Variants in HYDIN observed in about 807,000 individuals in gnomAD.
HYDIN encodes HYDIN axonemal central pair apparatus protein.
Under a neutral mutation model 403.9 loss-of-function variants are expected in HYDIN, and 132 were observed. The observed-to-expected ratio is 0.33, with a 90% CI of 0.28 to 0.38. The LOEUF is 0.38. Ranked by LOEUF, HYDIN falls within the 10% of genes least tolerant of loss-of-function variation. The pLI is 1.00. For synonymous variants in HYDIN, 1,202 were observed against 1,891.7 expected, an observed-to-expected ratio of 0.64 and a Z score of 9.46; for missense variants, 2,827 against 5,009.5, an observed-to-expected ratio of 0.56 and a Z score of 13.15.
chr16:71,047,483 A>T (rs1294877869), intron 18 of HYDIN, among the ~76,000 whole-genome samples: 2 of 152,102 alleles, frequency 1.3e-5, no homozygotes, highest in African/African-American at 4.8e-5. Context: ...GTTAAGCACA[A>T]ACCTTTGCTT....
At chr16:70,848,533 C>G (rs2038380311) in intron 75 of HYDIN, among the ~76,000 whole-genome samples, 2 of 137,170 alleles carry the variant, frequency 1.5e-5, no homozygotes, top group South Asian at 5.0e-4. Context: ...TCAGTAAAGT[C>G]TATATTCTTA....
chr16:71,170,948 G>A (rs1286534944), intron 5 of HYDIN, among the ~76,000 whole-genome samples: 2 of 152,146 alleles, frequency 1.3e-5, no homozygotes, highest in Non-Finnish European at 1.5e-5. Context: ...AAGACACTCT[G>A]CTGTTCTTTC....
intron 18 of HYDIN, among the ~76,000 whole-genome samples, chr16:71,034,103 C>A (rs571874600): frequency 1.3e-5 from 2 of 151,616 alleles, no homozygotes; most frequent in Admixed American, 6.6e-5. Context: ...GAGTTTGGTA[C>A]CGCAGAAGAA....
Position 70,808,000 on chromosome 16 carries a change from G to C in HYDIN, c.14946C>G (p.Gly4982=). ...ATAAGACTTCCACACTGGCTTCAGTGCCTCCCTGGCCTCCTGGGGCTGCAT... is the reference window on the plus strand; with the variant it reads ...ATAAGACTTCCACACTGGCTTCAGTCCCTCCCTGGCCTCCTGGGGCTGCAT... The part of the protein sequence containing the change: ...LINAAPGGQG[G]TEASVEVLFE... Residue 4982 remains glycine (G), a synonymous_variant, in exon 86 of 86, where the codon GGC becomes GGG. Transcript: ENST00000393567. 1.9e-6 allele frequency: 3 copies of C among 1,614,032 alleles called. No individual in the cohort carries two copies. Among genetic ancestry groups the C allele is most frequent in the Non-Finnish European group, 2.5e-6 (3 of 1,179,976 alleles).
At chr16:71,189,770 A>AT in intron 1 of HYDIN, among the ~76,000 whole-genome samples, 1 of 151,676 alleles carries the variant, frequency 6.6e-6, no homozygotes, top group African/African-American at 2.4e-5. Flanking sequence ...CTGCCTCAAA[A>AT]AAAAAAAAAA....
At chr16:71,207,149 G>T (rs781690731) in intron 1 of HYDIN, among the ~76,000 whole-genome samples, 30 of 151,988 alleles carry the variant, frequency 2.0e-4, no homozygotes, top group Non-Finnish European at 3.8e-4. Flanking sequence ...TTGAAATGAA[G>T]GAAAAAATGT....
chr16:71,059,742 G>A lies in HYDIN; in HGVS notation c.2529+762C>T, dbSNP rs966435102. Among the ~76,000 whole-genome samples, 18 of 152,162 alleles carry A rather than the reference G, an allele frequency of 1.2e-4. No individual in the cohort carries two copies. In the East Asian group the frequency reaches 1.9e-3, roughly 16 times the overall value. ...CAAACCTGTGACATACAATTTACCCGTGTAACAAACCTGCACATGTACCTC... is the reference window on the plus strand; with the variant it reads ...CAAACCTGTGACATACAATTTACCCATGTAACAAACCTGCACATGTACCTC... On this transcript the variant is annotated intron_variant, in intron 18 of 85. Transcript: ENST00000393567.
rs963829046 is a variant in HYDIN, at chr16:70,802,455, A to G, written c.*5125T>C. On this transcript the variant is annotated 3_prime_UTR_variant, in exon 86 of 86. Coordinates refer to ENST00000393567, the MANE Select transcript of HYDIN (RefSeq NM_001270974.2). ...CAAGTGAGTACTTAAAAGAGATTAG[A>G]AGAAATTTGAACTGGAAGAGAGACT... is the stretch of plus-strand genomic sequence containing the variant. 1.3e-5 allele frequency: 2 copies of G among 152,240 alleles called. No individual in the cohort carries two copies. Among genetic ancestry groups the G allele is most frequent in the Non-Finnish European group, 2.9e-5 (2 of 68,044 alleles). The allele number at this position is 152,240 out of a possible 1,614,324, so 9.4% of individuals were successfully genotyped here. A position where few individuals can be genotyped will look rare whatever the true frequency, so the allele number is the denominator to read the frequency against.
Position 70,807,648 on chromosome 16 carries a change from A to G in HYDIN, c.15298T>C (p.Cys5100Arg). The G allele has an allele frequency of 6.2e-7, 1 of 1,614,178 alleles. No individual in the cohort carries two copies. Among genetic ancestry groups the G allele is most frequent in the Admixed American group, 1.7e-5 (1 of 60,028 alleles). ...GTCTCACTCCCTTCACCAGGAGGGC[A>G]GCTCACAGTCAGCTTGGTGGTGATG... ...TPITTKLTVS[C>R]PPGEGSETGV... is the part of the protein sequence containing the mutation. The change falls in exon 86 of 86, where the codon TGC (cysteine) becomes CGC (arginine). Residue 5100 changes from cysteine to arginine, a missense_variant. Transcript: ENST00000393567.
chr16:71,227,185 T>C (rs2041072771), intron 1 of HYDIN, among the ~76,000 whole-genome samples: 1 of 151,834 alleles, frequency 6.6e-6, no homozygotes, highest in African/African-American at 2.4e-5. Context: ...ATATGAATGA[T>C]ATGGGCAAAA....
rs557953898 is a variant in HYDIN at position 70,953,564 on chromosome 16, G to A, written c.6317-929C>T. Among the ~76,000 whole-genome samples, 1,428 of 152,080 alleles carry A rather than the reference G, an allele frequency of 9.4e-3. 26 individuals are homozygous for A. The highest frequency in any genetic ancestry group is 0.033 in the African/African-American group (1,383 of 41,480). On this transcript the variant is annotated intron_variant, in intron 40 of 85. Transcript: ENST00000393567. ...TGTCTCTACTTCCCGGCTTCCCCAT[G>A]ACCCCTCCTGAAATGTAGGTGTTCC... is the stretch of plus-strand genomic sequence containing the variant.
chr16:71,174,341 T>C (rs1275914328), intron 5 of HYDIN, among the ~76,000 whole-genome samples: 1 of 152,154 alleles, frequency 6.6e-6, no homozygotes, highest in Non-Finnish European at 1.5e-5. Flanking sequence ...ATACTGGTAA[T>C]GATATTGACA....
intron 66 of HYDIN, among the ~76,000 whole-genome samples, chr16:70,867,028 CA>C (rs34578135): frequency 0.44 from 41,384 of 93,050 alleles, 5,368 homozygotes; most frequent in Middle Eastern, 0.48. Context: ...CTGTCCCCCT[CA>C]AAAAAAAAAA....
chr16:71,217,888 A>T (rs1419850429), intron 1 of HYDIN, among the ~76,000 whole-genome samples: 1 of 152,178 alleles, frequency 6.6e-6, no homozygotes, highest in East Asian at 1.9e-4. Flanking sequence ...ACAAAGCCAC[A>T]TATTAACTGG....
intron 1 of HYDIN, among the ~76,000 whole-genome samples, chr16:71,199,935 C>A (rs1488675635): frequency 1.3e-5 from 2 of 152,156 alleles, no homozygotes; most frequent in Non-Finnish European, 1.5e-5. Flanking sequence ...ACAGTTAAGG[C>A]AGTCTAAGTC....
At chr16:70,962,301 G>A (rs1463062474) in intron 37 of HYDIN, among the ~76,000 whole-genome samples, 163 bp from the exon 38 acceptor site, 2 of 150,904 alleles carry the variant, frequency 1.3e-5, no homozygotes, top group African/African-American at 4.9e-5. Context: ...CAGTCAGTTG[G>A]CTATTCCTCA....
At chr16:70,951,450 A>C (rs1287033600) in intron 41 of HYDIN, among the ~76,000 whole-genome samples, 1 of 152,128 alleles carries the variant, frequency 6.6e-6, no homozygotes, top group Non-Finnish European at 1.5e-5. Flanking sequence ...CTGCAGCCCA[A>C]GCCTCCTCGT....
chr16:71,205,911 T>C (rs545338094), intron 1 of HYDIN, among the ~76,000 whole-genome samples: 1 of 152,312 alleles, frequency 6.6e-6, no homozygotes, highest in East Asian at 1.9e-4. Context: ...CCTGTTGTCC[T>C]GGAGAGCAGA....
rs1009706787 is a variant in HYDIN, at chr16:71,146,605, A to C, written c.841+6054T>G. On this transcript the variant is annotated intron_variant, in intron 7 of 85. Transcript: ENST00000393567. ...GTACAATTAAAAGACAAAGATTTTC[A>C]GACCGGATTTAATAATCAGCCTCAT... Among the ~76,000 whole-genome samples, 5 of 22,216 alleles carry C rather than the reference A, an allele frequency of 2.3e-4. No homozygotes were observed. In the East Asian group the frequency reaches 3.8e-3, roughly 17 times the overall value. 14.6% of individuals were successfully genotyped at this position (22,216 alleles called of 152,430 possible). A position where few individuals can be genotyped will look rare whatever the true frequency, so the allele number is the denominator to read the frequency against.
Sources: gnomAD v4.1 joint callset for allele counts (sites outside exome capture counted in the v4.1 genomes callset) on GRCh38, gnomAD v4.1.1 for gene constraint, MANE v1.5 for transcripts, NCBI Gene and HGNC (gene_info 2026-07-23, HGNC 2026-07-21) for gene names.